The following USP22 variants were observed in gnomAD, a reference collection of about 807,000 sequenced individuals.
USP22 encodes ubiquitin carboxyl-terminal hydrolase 22.
USP22 carries 22 observed loss-of-function variants against 68.1 expected under a neutral mutation model. That is an observed-to-expected ratio of 0.32 (90% confidence interval 0.23 to 0.46). USP22 has a LOEUF of 0.46. Ranked by LOEUF, USP22 falls within the 20% of genes least tolerant of loss-of-function variation. The pLI is 1.00. For missense variants in USP22, 433 were observed against 695.8 expected, an observed-to-expected ratio of 0.62 and a Z score of 4.25; for synonymous variants, 279 against 274.2, an observed-to-expected ratio of 1.02 and a Z score of -0.17.
At chr17:21,043,307 C>CCCCCCCCCA, upstream of USP22, 1 of 48,814 alleles carries the variant, frequency 2.0e-5, no homozygotes, top group East Asian at 5.8e-4. Flanking sequence ...CCACCCCCCC[C>CCCCCCCCCA]CCCCCCCCGG....
chr17:21,037,457 A>G (rs1218811095), intron 1 of USP22, among the ~76,000 whole-genome samples: 2 of 152,186 alleles, frequency 1.3e-5, no homozygotes, highest in Non-Finnish European at 2.9e-5. Context: ...ATCATCCTTA[A>G]TTTACGGGAA....
At chr17:21,012,625 C>T (rs754819515) in intron 7 of USP22, among the ~76,000 whole-genome samples, 4 of 151,710 alleles carry the variant, frequency 2.6e-5, no homozygotes, top group Non-Finnish European at 5.9e-5. Flanking sequence ...ACGAAGGGCT[C>T]GCATCCCGAG....
intron 8 of USP22, among the ~76,000 whole-genome samples, chr17:21,009,593 T>C (rs1442789226): frequency 6.6e-6 from 1 of 152,186 alleles, no homozygotes; most frequent in Non-Finnish European, 1.5e-5. Flanking sequence ...GCCTGCTGTT[T>C]TGGCAAAGCT....
chr17:21,009,805 G>C (rs1913893678), intron 8 of USP22, among the ~76,000 whole-genome samples: 1 of 151,930 alleles, frequency 6.6e-6, no homozygotes, highest in African/African-American at 2.4e-5. Context: ...AAATACAAAA[G>C]TTAGCCGGAT....
chr17:21,003,179 C>T (rs1468501605), intron 12 of USP22, 106 bp from the exon 13 acceptor site: 17 of 1,356,900 alleles, frequency 1.3e-5, no homozygotes, highest in South Asian at 3.6e-5. Flanking sequence ...CTGCACAGGT[C>T]GGCCAGGCCC....
At chr17:21,005,074 C>G (rs541597598) in intron 10 of USP22, 84 bp from the exon 11 acceptor site, 1 of 1,470,716 alleles carries the variant, frequency 6.8e-7, no homozygotes, top group African/African-American at 1.4e-5. Flanking sequence ...AACACTTATC[C>G]AAGCTTGACC....
chr17:21,035,265 T>A (rs1972339352), intron 1 of USP22, among the ~76,000 whole-genome samples: 1 of 152,202 alleles, frequency 6.6e-6, no homozygotes, highest in African/African-American at 2.4e-5. Flanking sequence ...CATATAATAA[T>A]AAAACTCACA....
chr17:21,003,895 C>T lies in USP22; in HGVS notation c.1535+307G>A, dbSNP rs527959490. On this transcript the variant is annotated intron_variant, in intron 12 of 12. Transcript: ENST00000261497. ...AGCCTGGGCAACAAGAGCGAAACTC[C>T]GTCTCAAAAAAAAAAAAAAAAAAAA... is the stretch of plus-strand genomic sequence containing the variant. 1.6e-4 allele frequency among the ~76,000 whole-genome samples: 22 copies of T among 134,212 alleles called. No individual in the cohort carries two copies. In the East Asian group the frequency reaches 3.0e-3, roughly 18 times the overall value. The allele number at this position is 134,212 out of a possible 152,430, so 88.0% of individuals were successfully genotyped here. A position where few individuals can be genotyped will look rare whatever the true frequency, so the allele number is the denominator to read the frequency against.
chr17:21,017,788 T>G (rs530512800), intron 5 of USP22, among the ~76,000 whole-genome samples, 154 bp downstream of exon 5: 1 of 152,370 alleles, frequency 6.6e-6, no homozygotes, highest in Non-Finnish European at 1.5e-5. Context: ...TTTGGAAAAC[T>G]GTGTTTTCCA....
intron 4 of USP22, 105 bp downstream of exon 4, chr17:21,018,979 C>T (rs934869984): frequency 8.5e-7 from 1 of 1,173,292 alleles, no homozygotes; most frequent in Non-Finnish European, 1.3e-6. Context: ...GACAGTTATG[C>T]AGGGCTTCAA....
At chr17:21,011,497 C>T in intron 7 of USP22, 188 bp from the exon 8 acceptor site, 3 of 698,946 alleles carry the variant, frequency 4.3e-6, no homozygotes, top group Non-Finnish European at 6.9e-6. Flanking sequence ...CCCAAGGTGG[C>T]CCTGGGGAGG....
chr17:21,000,697 A>G lies in USP22; in HGVS notation c.*2334T>C, dbSNP rs1411534275. On this transcript the variant is annotated 3_prime_UTR_variant, in exon 13 of 13. Coordinates refer to ENST00000261497, the MANE Select transcript of USP22 (RefSeq NM_015276.2). ...CAAGGTGGCAAGCCTTCATGAAGGCACTGCCCAGCTCACAATCCTGTGGGC... is the reference window on the plus strand; with the variant it reads ...CAAGGTGGCAAGCCTTCATGAAGGCGCTGCCCAGCTCACAATCCTGTGGGC... 6.6e-6 allele frequency: 1 copy of G among 152,254 alleles called. No individual in the cohort carries two copies. The highest frequency in any genetic ancestry group is 2.4e-5 in the African/African-American group (1 of 41,474). The allele number at this position is 152,254 out of a possible 1,614,324, so 9.4% of individuals were successfully genotyped here. A position where few individuals can be genotyped will look rare whatever the true frequency, so the allele number is the denominator to read the frequency against.
chr17:21,008,365 G>A (rs1272417979), intron 8 of USP22, among the ~76,000 whole-genome samples: 1 of 152,070 alleles, frequency 6.6e-6, no homozygotes, highest in African/African-American at 2.4e-5. Context: ...GAAACACCCC[G>A]TTTCTTCCCA....
chr17:21,023,197 G>C (rs1264778344), intron 2 of USP22, among the ~76,000 whole-genome samples: 1 of 152,034 alleles, frequency 6.6e-6, no homozygotes, highest in African/African-American at 2.4e-5. Flanking sequence ...GTGGGAGAAG[G>C]GAGAGGATCA....
In USP22 at chr17:21,011,320, A is replaced by G. The variant is rs1216187785; in HGVS notation, c.945-11T>C. 9 of 1,552,834 alleles carry G rather than the reference A, an allele frequency of 5.8e-6. No homozygotes were observed. Among genetic ancestry groups the G allele is most frequent in the Non-Finnish European group, 7.8e-6 (9 of 1,147,602 alleles). ...GTGGTGGAGACTCCACTGGAAGCAG[A>G]GGGAAAACAATGGCTGTGAGGACTG... is the stretch of plus-strand genomic sequence containing the variant. On this transcript the variant is annotated splice_polypyrimidine_tract_variant and intron_variant, in intron 7 of 12. Coordinates refer to ENST00000261497, the MANE Select transcript of USP22 (RefSeq NM_015276.2).
intron 8 of USP22, among the ~76,000 whole-genome samples, chr17:21,010,011 C>T (rs1180869720): frequency 6.6e-6 from 1 of 151,260 alleles, no homozygotes; most frequent in Non-Finnish European, 1.5e-5. Flanking sequence ...GGCATGGTGG[C>T]ACACACCTAT....
intron 1 of USP22, among the ~76,000 whole-genome samples, chr17:21,034,287 C>G (rs1218045978): frequency 6.6e-6 from 1 of 152,138 alleles, no homozygotes; most frequent in Non-Finnish European, 1.5e-5. Flanking sequence ...GACCTCATTT[C>G]AAGGCTGGGA....
intron 2 of USP22, among the ~76,000 whole-genome samples, chr17:21,024,900 T>C (rs574763159): frequency 3.3e-5 from 5 of 152,114 alleles, no homozygotes; most frequent in African/African-American, 7.2e-5. Context: ...GCTTGGGAGG[T>C]TGAGGCTGCA....
chr17:21,022,118 TAAAA>T (rs145358241), intron 2 of USP22, among the ~76,000 whole-genome samples: 1 of 151,820 alleles, frequency 6.6e-6, no homozygotes, highest in African/African-American at 2.4e-5. Flanking sequence ...AAAATAAAAA[TAAAA>T]AAATTATAGT....
Sources: gnomAD v4.1 joint callset for allele counts (sites outside exome capture counted in the v4.1 genomes callset) on GRCh38, gnomAD v4.1.1 for gene constraint, MANE v1.5 for transcripts, NCBI Gene and HGNC (gene_info 2026-07-23, HGNC 2026-07-21) for gene names.